Variants in OR5H6 observed in about 807,000 individuals in gnomAD.
OR5H6 encodes the protein olfactory receptor family 5 subfamily H member 6.
For missense variants in OR5H6, 429 were observed against 358.1 expected (o/e 1.20, Z -1.60); for synonymous variants, 151 against 127.7 (o/e 1.18, Z -1.23).
rs781707674 is a variant in OR5H6, at chr3:98,264,944, T to C, written c.612T>C (p.Gly204=). The C allele has an allele frequency of 8.1e-6, 13 of 1,607,104 alleles. No individual in the cohort carries two copies. Among genetic ancestry groups the C allele is most frequent in the Non-Finnish European group, 1.1e-5 (13 of 1,177,544 alleles). The part of the protein sequence containing the change: ...INFLMVFIFA[G]SVQVFTIGTI... Reference sequence around the variant, plus strand: ...TTCTAATGGTTTTTATTTTCGCAGGTTCTGTTCAAGTTTTTACCATTGGAA... The same window carrying C: ...TTCTAATGGTTTTTATTTTCGCAGGCTCTGTTCAAGTTTTTACCATTGGAA... The change falls in exon 1 of 1, where the codon GGT becomes GGC. Residue 204 remains glycine (G), a synonymous_variant. Transcript: ENST00000615035.
Position 98,264,574 on chromosome 3 carries a change from T to A in OR5H6, c.242T>A (p.Met81Lys), listed in dbSNP as rs1194875264. 1 of 1,612,824 alleles carries A rather than the reference T, an allele frequency of 6.2e-7. No individual in the cohort carries two copies. Among genetic ancestry groups the A allele is most frequent in the South Asian group, 1.1e-5 (1 of 91,062 alleles). ...ASLSSTVTPK[M>K]LINFLAKSKM... ...TTATCATCCACAGTGACTCCGAAGA[T>A]GCTGATCAACTTCTTAGCTAAGAGT... Residue 81 changes from methionine (M) to lysine (K), a missense_variant, in exon 1 of 1, where the codon ATG becomes AAG. By Grantham distance (95) the Met-to-Lys change is moderately conservative (BLOSUM62 -1). Coordinates refer to ENST00000615035, the MANE Select transcript of OR5H6 (RefSeq NM_001005479.2).
chr3:98,264,830 A>T lies in OR5H6; in HGVS notation c.498A>T (p.Leu166Phe). The change falls in exon 1 of 1, where the codon TTA (leucine) becomes TTT (phenylalanine). Residue 166 changes from leucine (L) to phenylalanine (F), a missense_variant. By Grantham distance (22) the Leu-to-Phe change is conservative. Coordinates refer to ENST00000615035, the MANE Select transcript of OR5H6 (RefSeq NM_001005479.2). ...TCCATGAAGCTTTTTCATTCAGATT[A>T]ACCTTCTGTAATTCCAACATAATAC... ...ALIHEAFSFR[L>F]TFCNSNIIQH... The T allele has an allele frequency of 6.2e-7, 1 of 1,610,734 alleles. No homozygotes were observed. Among genetic ancestry groups the T allele is most frequent in the Non-Finnish European group, 8.5e-7 (1 of 1,178,596 alleles).
In OR5H6 at chr3:98,265,094, C is replaced by T; in HGVS notation, c.762C>T (p.Pro254=). 4 of 1,612,886 alleles carry T rather than the reference C, an allele frequency of 2.5e-6. No individual in the cohort carries two copies. Among genetic ancestry groups the T allele is most frequent in the Non-Finnish European group, 3.4e-6 (4 of 1,179,476 alleles). ...TATCTGTATCTTTATACTATGGCCC[C>T]CTCACCTTCAAATATCTGGGCTCTG... The part of the protein sequence containing the change: ...HLLSVSLYYG[P]LTFKYLGSAS... The change falls in exon 1 of 1, where the codon CCC becomes CCT. Residue 254 remains proline, a synonymous_variant. Transcript: ENST00000615035.
In OR5H6 at chr3:98,264,437, T is replaced by G. The variant is rs1392479541; in HGVS notation, c.105T>G (p.Tyr35Ter). ...TCTTCCTGGCATTCTTGGTAATATATCTCATCACCATCATGGGGAATCTTG... is the reference window on the plus strand; with the variant it reads ...TCTTCCTGGCATTCTTGGTAATATAGCTCATCACCATCATGGGGAATCTTG... ...IPLFLAFLVI[Y>*]LITIMGNLGL... Residue 35 changes from tyrosine to a stop codon, truncating the protein, a stop_gained, in exon 1 of 1, where the codon TAT (tyrosine) becomes TAG (stop). Transcript: ENST00000615035. LOFTEE classifies it low-confidence loss of function (END_TRUNC). 2.5e-6 allele frequency: 4 copies of G among 1,612,282 alleles called. No homozygotes were observed. Among genetic ancestry groups the G allele is most frequent in the South Asian group, 2.2e-5 (2 of 91,042 alleles).
In OR5H6 at chr3:98,264,844, C is replaced by A; in HGVS notation, c.512C>A (p.Ser171Tyr). 2 of 1,610,448 alleles carry A rather than the reference C, an allele frequency of 1.2e-6. No individual in the cohort carries two copies. Among genetic ancestry groups the A allele is most frequent in the Non-Finnish European group, 1.7e-6 (2 of 1,178,268 alleles). Reference protein sequence around the residue: ...AFSFRLTFCNSNIIQHFYCDI... With the variant: ...AFSFRLTFCNYNIIQHFYCDI... ...TCATTCAGATTAACCTTCTGTAATT[C>A]CAACATAATACAACACTTTTACTGT... Residue 171 changes from serine to tyrosine, a missense_variant, in exon 1 of 1, where the codon TCC (serine) becomes TAC (tyrosine). Ser to Tyr is a moderately radical substitution (Grantham distance 144). Transcript: ENST00000615035.
chr3:98,265,253 C>G lies in OR5H6; in HGVS notation c.921C>G (p.Ser307Arg). 6.3e-7 allele frequency: 1 copy of G among 1,580,164 alleles called. No individual in the cohort carries two copies. Among genetic ancestry groups the G allele is most frequent in the Non-Finnish European group, 8.6e-7 (1 of 1,165,912 alleles). ...CTTCATTCACAAAAATGTTCAAAAG[C>G]AATGTTTAGATCTCATACAATCTCT... ...VIASFTKMFK[S>R]NV is the part of the protein sequence containing the mutation. Residue 307 changes from serine (S) to arginine (R), a missense_variant, in exon 1 of 1, where the codon AGC becomes AGG. Physicochemically the swap from Ser to Arg is moderately radical, Grantham distance 110 (BLOSUM62 -1). Coordinates refer to ENST00000615035, the MANE Select transcript of OR5H6 (RefSeq NM_001005479.2).
rs762364103 is a variant in OR5H6 at position 98,264,718 on chromosome 3, C to A, written c.386C>A (p.Ala129Asp). The A allele has an allele frequency of 1.1e-5, 17 of 1,613,246 alleles. No individual in the cohort carries two copies. The highest frequency in any genetic ancestry group is 1.3e-5 in the Non-Finnish European group (15 of 1,179,326). The change falls in exon 1 of 1, where the codon GCT (alanine) becomes GAT (aspartate). Residue 129 changes from alanine (A) to aspartate (D), a missense_variant. Physicochemically the swap from Ala to Asp is moderately radical, Grantham distance 126. Coordinates refer to ENST00000615035, the MANE Select transcript of OR5H6 (RefSeq NM_001005479.2). ...GATCGCTATGTAGCCATTTGCAAAG[C>A]TTTACTTTATCCAGTCATTATGACC... Reference protein sequence around the residue: ...AYDRYVAICKALLYPVIMTNE... With the variant: ...AYDRYVAICKDLLYPVIMTNE...
rs1251497880 is a variant in OR5H6 at position 98,265,345 on chromosome 3, C to T, written c.*83C>T. On this transcript the variant is annotated 3_prime_UTR_variant, in exon 1 of 1. Transcript: ENST00000615035. ...GAGGTGTCTATGTCTTGCCAGCATT[C>T]AAAGATGATGCAAAGTCCTAGCACT... 2.1e-6 allele frequency: 3 copies of T among 1,417,324 alleles called. No homozygotes were observed. Among genetic ancestry groups the T allele is most frequent in the Non-Finnish European group, 2.8e-6 (3 of 1,056,132 alleles). 87.8% of individuals were successfully genotyped at this position (1,417,324 alleles called of 1,614,324 possible). A position where few individuals can be genotyped will look rare whatever the true frequency, so the allele number is the denominator to read the frequency against.
In OR5H6 at chr3:98,265,307, A is replaced by T. The variant is rs113260045; in HGVS notation, c.*45A>T. ...CTCTATTTACTAAAATTGTCCCAAG[A>T]TTGTGCAAGTTAGAGGTGTCTATGT... On this transcript the variant is annotated 3_prime_UTR_variant, in exon 1 of 1. Coordinates refer to ENST00000615035, the MANE Select transcript of OR5H6 (RefSeq NM_001005479.2). 4.0e-3 allele frequency: 6,040 copies of T among 1,523,668 alleles called. 215 individuals are homozygous for T. The African/African-American group carries it at 0.071, about 18-fold the overall frequency. The allele number at this position is 1,523,668 out of a possible 1,614,324, so 94.4% of individuals were successfully genotyped here. A position where few individuals can be genotyped will look rare whatever the true frequency, so the allele number is the denominator to read the frequency against.
chr3:98,265,139 C>G lies in OR5H6; in HGVS notation c.807C>G (p.Asp269Glu). 6.2e-7 allele frequency: 1 copy of G among 1,612,324 alleles called. No homozygotes were observed. The highest frequency in any genetic ancestry group is 8.5e-7 in the Non-Finnish European group (1 of 1,178,586). Reference protein sequence around the residue: ...YLGSASPQADDQDMMESLFYT... With the variant: ...YLGSASPQADEQDMMESLFYT... The stretch of plus-strand genomic sequence containing the variant: ...GCTCTGCATCTCCGCAAGCAGATGA[C>G]CAAGATATGATGGAGTCTCTATTTT... The change falls in exon 1 of 1, where the codon GAC (aspartate) becomes GAG (glutamate). Residue 269 changes from aspartate (D) to glutamate (E), a missense_variant. Asp to Glu is a conservative substitution (Grantham distance 45). Transcript: ENST00000615035.
rs1559839304 is a variant in OR5H6, at chr3:98,265,076, A to G, written c.744A>G (p.Val248=). ...VSTCGAHLLS[V]SLYYGPLTFK... ...CCTGTGGGGCTCATCTCTTATCTGT[A>G]TCTTTATACTATGGCCCCCTCACCT... Residue 248 remains valine, a synonymous_variant, in exon 1 of 1, where the codon GTA becomes GTG. Coordinates refer to ENST00000615035, the MANE Select transcript of OR5H6 (RefSeq NM_001005479.2). 2.7e-5 allele frequency: 43 copies of G among 1,612,770 alleles called. No homozygotes were observed. Among genetic ancestry groups the G allele is most frequent in the Non-Finnish European group, 3.6e-5 (42 of 1,179,454 alleles).
In OR5H6 at chr3:98,265,180, C is replaced by T. The variant is rs1705879116; in HGVS notation, c.848C>T (p.Pro283Leu). The change falls in exon 1 of 1, where the codon CCT (proline) becomes CTT (leucine). Residue 283 changes from proline (P) to leucine (L), a missense_variant. Physicochemically the swap from Pro to Leu is moderately conservative, Grantham distance 98 (BLOSUM62 -3). Coordinates refer to ENST00000615035, the MANE Select transcript of OR5H6 (RefSeq NM_001005479.2). The part of the protein sequence containing the change: ...MESLFYTVIV[P>L]LLNPMIYSLR... ...TCTCTATTTTACACTGTCATAGTTCCTTTATTAAATCCCATGATCTACAGC... is the reference window on the plus strand; with the variant it reads ...TCTCTATTTTACACTGTCATAGTTCTTTTATTAAATCCCATGATCTACAGC... The T allele has an allele frequency of 3.1e-6, 5 of 1,611,188 alleles. No individual in the cohort carries two copies. In the East Asian group the frequency reaches 6.7e-5, roughly 22 times the overall value.
Position 98,265,022 on chromosome 3 carries a change from T to C in OR5H6, c.690T>C (p.Ser230=), listed in dbSNP as rs1289238648. The C allele has an allele frequency of 1.2e-6, 2 of 1,612,974 alleles. No individual in the cohort carries two copies. Among genetic ancestry groups the C allele is most frequent in the Non-Finnish European group, 1.7e-6 (2 of 1,179,372 alleles). The change falls in exon 1 of 1, where the codon TCT becomes TCC. Residue 230 remains serine, a synonymous_variant. Transcript: ENST00000615035. ...TCTTTACAATCTTAGAAAAGAAGTCTATCAAAGGGATACGAAAAGCTGTCT... is the reference window on the plus strand; with the variant it reads ...TCTTTACAATCTTAGAAAAGAAGTCCATCAAAGGGATACGAAAAGCTGTCT... The part of the protein sequence containing the change: ...IILFTILEKK[S]IKGIRKAVST...
At position 98,265,148 on chromosome 3, in the gene OR5H6, G is replaced by A. The variant is rs1424988676; in HGVS notation, c.816G>A (p.Met272Ile). ...CTCCGCAAGCAGATGACCAAGATATGATGGAGTCTCTATTTTACACTGTCA... is the reference window on the plus strand; with the variant it reads ...CTCCGCAAGCAGATGACCAAGATATAATGGAGTCTCTATTTTACACTGTCA... ...SASPQADDQD[M>I]MESLFYTVIV... The change falls in exon 1 of 1, where the codon ATG becomes ATA. Residue 272 changes from methionine (M) to isoleucine (I), a missense_variant. By Grantham distance (10) the Met-to-Ile change is conservative (BLOSUM62 1). Coordinates refer to ENST00000615035, the MANE Select transcript of OR5H6 (RefSeq NM_001005479.2). 1.2e-6 allele frequency: 2 copies of A among 1,613,084 alleles called. No individual in the cohort carries two copies. Among genetic ancestry groups the A allele is most frequent in the Non-Finnish European group, 1.7e-6 (2 of 1,179,426 alleles).
rs749186914 is a variant in OR5H6 at position 98,265,135 on chromosome 3, A to G, written c.803A>G (p.Asp268Gly). Residue 268 changes from aspartate to glycine, a missense_variant, in exon 1 of 1, where the codon GAT becomes GGT. Asp to Gly is a moderately conservative substitution (Grantham distance 94, BLOSUM62 -1). Coordinates refer to ENST00000615035, the MANE Select transcript of OR5H6 (RefSeq NM_001005479.2). The stretch of plus-strand genomic sequence containing the variant: ...CTGGGCTCTGCATCTCCGCAAGCAG[A>G]TGACCAAGATATGATGGAGTCTCTA... Reference protein sequence around the residue: ...KYLGSASPQADDQDMMESLFY... With the variant: ...KYLGSASPQAGDQDMMESLFY... 2.5e-6 allele frequency: 4 copies of G among 1,613,314 alleles called. No individual in the cohort carries two copies. The highest frequency in any genetic ancestry group is 3.4e-6 in the Non-Finnish European group (4 of 1,179,510).
Position 98,264,697 on chromosome 3 carries a change from G to A in OR5H6, c.365G>A (p.Arg122His), listed in dbSNP as rs780999800. ...CTCTTGGCAACAATGGCATATGATC[G>A]CTATGTAGCCATTTGCAAAGCTTTA... ...CFLLATMAYD[R>H]YVAICKALLY... The change falls in exon 1 of 1, where the codon CGC becomes CAC. Residue 122 changes from arginine (R) to histidine (H), a missense_variant. Coordinates refer to ENST00000615035, the MANE Select transcript of OR5H6 (RefSeq NM_001005479.2). The A allele has an allele frequency of 2.7e-5, 44 of 1,612,946 alleles. No individual in the cohort carries two copies. The highest frequency in any genetic ancestry group is 9.4e-5 in the African/African-American group (7 of 74,838).
rs1277964812 is a variant in OR5H6 at position 98,264,629 on chromosome 3, A to C, written c.297A>C (p.Val99=). Residue 99 remains valine (V), a synonymous_variant, in exon 1 of 1, where the codon GTA becomes GTC. Transcript: ENST00000615035. ...TGATATCTCTCTCTGAATGCATGGT[A>C]CAATTTTTTTCCCTTGTAACCACTG... is the stretch of plus-strand genomic sequence containing the variant. The part of the protein sequence containing the change: ...SKMISLSECM[V]QFFSLVTTVT... 1 of 1,594,328 alleles carries C rather than the reference A, an allele frequency of 6.3e-7. No individual in the cohort carries two copies. The highest frequency in any genetic ancestry group is 1.1e-5 in the South Asian group (1 of 90,454).
chr3:98,264,308 T>C lies in OR5H6; in HGVS notation c.-25T>C. 1 of 1,611,398 alleles carries C rather than the reference T, an allele frequency of 6.2e-7. No homozygotes were observed. The highest frequency in any genetic ancestry group is 1.1e-5 in the South Asian group (1 of 90,756). ...AAATGTTCCTTTACCTTTGCTTCAT[T>C]TTTCAGAGGACATGCAGTGAGGAGA... On this transcript the variant is annotated 5_prime_UTR_variant, in exon 1 of 1. Transcript: ENST00000615035.
In OR5H6 at chr3:98,264,583, A is replaced by G; in HGVS notation, c.251A>G (p.Asn84Ser). 2 of 1,612,474 alleles carry G rather than the reference A, an allele frequency of 1.2e-6. No individual in the cohort carries two copies. The highest frequency in any genetic ancestry group is 1.3e-5 in the African/African-American group (1 of 74,966). Residue 84 changes from asparagine to serine, a missense_variant, in exon 1 of 1, where the codon AAC becomes AGC. Asn to Ser is a conservative substitution (Grantham distance 46, BLOSUM62 1). Transcript: ENST00000615035. ...SSTVTPKMLI[N>S]FLAKSKMISL... ...ACAGTGACTCCGAAGATGCTGATCA[A>G]CTTCTTAGCTAAGAGTAAGATGATA...
Sources: gnomAD v4.1 joint callset for allele counts on GRCh38, gnomAD v4.1.1 for gene constraint, MANE v1.5 for transcripts, NCBI Gene and HGNC (gene_info 2026-07-23, HGNC 2026-07-21) for gene names.